Variants in RALGPS1 observed in about 807,000 individuals in gnomAD.
RALGPS1 encodes Ral GEF with PH domain and SH3 binding motif 1, also known as ras-specific guanine nucleotide-releasing factor RalGPS1.
A neutral mutation model predicts 78.8 loss-of-function variants in RALGPS1; 19 were observed. The observed-to-expected ratio is 0.24, with a 90% CI of 0.17 to 0.35. The LOEUF is 0.35. RALGPS1 is among the 10% of genes least tolerant of loss of function. The pLI, the probability that RALGPS1 is intolerant of heterozygous loss-of-function variation, is 1.00. For missense variants in RALGPS1, 454 were observed against 688.3 expected (o/e 0.66, Z 3.81); for synonymous variants, 228 against 256.3 (o/e 0.89, Z 1.06).
At chr9:127,055,055 G>T (rs1365257991) in intron 7 of RALGPS1, among the ~76,000 whole-genome samples, 2 of 149,964 alleles carry the variant, frequency 1.3e-5, no homozygotes, top group Non-Finnish European at 3.0e-5. Context: ...ATCTCCTTGG[G>T]GAGCCTGGAA....
chr9:127,054,244 C>CT (rs2048529794), intron 7 of RALGPS1, among the ~76,000 whole-genome samples: 1 of 152,156 alleles, frequency 6.6e-6, no homozygotes, highest in East Asian at 1.9e-4. Flanking sequence ...ACCAGTGAGG[C>CT]TTTTTTTCAA....
Position 127,091,571 on chromosome 9 carries a change from C to G in RALGPS1, c.610+22215C>G. On this transcript the variant is annotated intron_variant, in intron 8 of 18. Coordinates refer to ENST00000259351, the MANE Select transcript of RALGPS1 (RefSeq NM_014636.3). The surrounding 1 kb of genome is among the most constrained non-coding windows in gnomAD (Gnocchi z 4.3). ...CAGCTTGGCCCAGCTGCTTCTCACC[C>G]TGGGATCTTCCCGTTTCCAAGCCCT... 1 of 1,499,796 alleles carries G rather than the reference C, an allele frequency of 6.7e-7. No individual in the cohort carries two copies. The highest frequency in any genetic ancestry group is 9.0e-7 in the Non-Finnish European group (1 of 1,117,196). 92.9% of individuals were successfully genotyped at this position (1,499,796 alleles called of 1,614,324 possible).
chr9:127,187,088 CAG>C (rs2060700138), intron 11 of RALGPS1, among the ~76,000 whole-genome samples: 1 of 152,198 alleles, frequency 6.6e-6, no homozygotes, highest in Non-Finnish European at 1.5e-5. Context: ...TGTGTGACTG[CAG>C]AGTGCCTCTG....
intron 8 of RALGPS1, among the ~76,000 whole-genome samples, chr9:127,123,061 C>G (rs1415787164): frequency 6.6e-6 from 1 of 152,260 alleles, no homozygotes; most frequent in African/African-American, 2.4e-5. Flanking sequence ...AGCGGGTCCT[C>G]CCCCTGGATG....
rs528800743 is a variant in RALGPS1 at position 127,062,424 on chromosome 9, T to C, written c.484-6806T>C. ...AGGATGATTTTTTAAAAAGATAAAA[T>C]CATGACTCATACAAATATAAGATGA... On this transcript the variant is annotated intron_variant, in intron 7 of 18. Transcript: ENST00000259351. 4.6e-5 allele frequency among the ~76,000 whole-genome samples: 7 copies of C among 152,282 alleles called. No homozygotes were observed. The South Asian group carries it at 1.2e-3, about 27-fold the overall frequency.
intron 14 of RALGPS1, 70 bp downstream of exon 14, chr9:127,199,136 C>A: frequency 6.8e-7 from 1 of 1,474,416 alleles, no homozygotes; most frequent in Non-Finnish European, 9.5e-7. Flanking sequence ...GAAGACAGGC[C>A]CCGGGCAGGG....
At chr9:127,143,873 G>A (rs1407786720) in intron 8 of RALGPS1, among the ~76,000 whole-genome samples, 9 of 152,198 alleles carry the variant, frequency 5.9e-5, no homozygotes, top group African/African-American at 2.2e-4. Flanking sequence ...AGGAGTCCTC[G>A]TTGGAGAATG....
intron 1 of RALGPS1, among the ~76,000 whole-genome samples, chr9:126,952,817 T>C (rs553001864): frequency 6.6e-6 from 1 of 152,176 alleles, no homozygotes; most frequent in East Asian, 1.9e-4. Flanking sequence ...ACCTTCCTAT[T>C]TGTCTTTGTC....
intron 1 of RALGPS1, among the ~76,000 whole-genome samples, chr9:126,928,734 TG>T (rs1369472932): frequency 6.6e-6 from 1 of 152,082 alleles, no homozygotes; most frequent in African/African-American, 2.4e-5. Context: ...TCCAAGTAGC[TG>T]GGTTTACAGG....
chr9:126,951,612 TCAA>T (rs1204796402), intron 1 of RALGPS1, among the ~76,000 whole-genome samples: 2 of 151,818 alleles, frequency 1.3e-5, no homozygotes, highest in Non-Finnish European at 2.9e-5. Context: ...TTGACAAAAT[TCAA>T]CAACGCTTCA....
chr9:126,979,594 T>G (rs1286809983), intron 4 of RALGPS1, among the ~76,000 whole-genome samples: 1 of 152,176 alleles, frequency 6.6e-6, no homozygotes, highest in Non-Finnish European at 1.5e-5. Flanking sequence ...TGAACCTGCA[T>G]GTGCCCAGGA....
At chr9:126,989,913 G>C (rs925776478) in intron 4 of RALGPS1, 86 of 1,550,346 alleles carry the variant, frequency 5.5e-5, no homozygotes, top group Non-Finnish European at 7.3e-5. Context: ...CTGCCAGAAT[G>C]GAAGACTCCC....
intron 12 of RALGPS1, 27 bp downstream of exon 12, chr9:127,195,244 C>A: frequency 6.2e-7 from 1 of 1,603,656 alleles, no homozygotes; most frequent in Non-Finnish European, 8.5e-7. Flanking sequence ...GCCCTCCCGC[C>A]GGGCTTCAGA....
intron 8 of RALGPS1, chr9:127,079,576 C>CTCTTT (rs2050990272): frequency 6.6e-6 from 1 of 152,210 alleles, no homozygotes; most frequent in Non-Finnish European, 1.5e-5. Context: ...CCTTTCTACT[C>CTCTTT]TCTTTTGGAT....
intron 4 of RALGPS1, among the ~76,000 whole-genome samples, chr9:127,006,364 G>A (rs1443828543): frequency 2.6e-5 from 4 of 152,210 alleles, no homozygotes; most frequent in Admixed American, 6.5e-5. Flanking sequence ...GAATGGTGGC[G>A]TTCTTTGACA....
intron 1 of RALGPS1, among the ~76,000 whole-genome samples, chr9:126,959,338 A>G (rs1474460420): frequency 3.3e-5 from 5 of 152,118 alleles, no homozygotes; most frequent in African/African-American, 1.2e-4. Flanking sequence ...CTGGGATTAC[A>G]GGTGTGAGCC....
intron 4 of RALGPS1, among the ~76,000 whole-genome samples, chr9:127,021,957 G>A (rs1161110460): frequency 6.6e-6 from 1 of 152,048 alleles, no homozygotes. Context: ...TGGGAAATTT[G>A]CATCATCTTC....
intron 8 of RALGPS1, among the ~76,000 whole-genome samples, chr9:127,080,993 TG>T (rs2051116259): frequency 6.6e-6 from 1 of 152,236 alleles, no homozygotes; most frequent in African/African-American, 2.4e-5. Flanking sequence ...CATCCTTATC[TG>T]TGTGTCTTTA....
intron 11 of RALGPS1, among the ~76,000 whole-genome samples, chr9:127,187,730 T>G (rs1355505955): frequency 6.6e-6 from 1 of 152,176 alleles, no homozygotes; most frequent in Non-Finnish European, 1.5e-5. Flanking sequence ...CAAGGCAAGA[T>G]CCACCCTCTA....
Sources: gnomAD v4.1 joint callset for allele counts (sites outside exome capture counted in the v4.1 genomes callset) on GRCh38, gnomAD v4.1.1 for gene constraint, Gnocchi (gnomAD v3.1) non-coding constraint, MANE v1.5 for transcripts, NCBI Gene and HGNC (gene_info 2026-07-23, HGNC 2026-07-21) for gene names.